The following PCDHGA3 variants were observed in gnomAD, a reference collection of about 807,000 sequenced individuals.
The protein encoded by PCDHGA3 is protocadherin gamma subfamily A, 3.
Under a neutral mutation model 58.5 loss-of-function variants are expected in PCDHGA3, and 40 were observed. The observed-to-expected ratio is 0.68, with a 90% CI of 0.53 to 0.89. The LOEUF is 0.89. Ranked by LOEUF, PCDHGA3 falls within the 40% of genes least tolerant of loss-of-function variation. The pLI is 0.00. For missense variants in PCDHGA3, 1,223 were observed against 1,195.9 expected, an observed-to-expected ratio of 1.02 and a Z score of -0.33; for synonymous variants, 530 against 525.7, an observed-to-expected ratio of 1.01 and a Z score of -0.11.
In PCDHGA3 at chr5:141,485,124, C is replaced by A; in HGVS notation, c.2425-9683C>A. ...GCTGCTGTGGCTGTTTGGGGCGGGT[C>A]GGCTTCATCCGCGTCTCAGGAGCAA... is the stretch of plus-strand genomic sequence containing the variant. On this transcript the variant is annotated intron_variant, in intron 1 of 3. Transcript: ENST00000253812. The surrounding 1 kb of genome is among the most constrained non-coding windows in gnomAD (Gnocchi z 5.7). 2 of 1,390,136 alleles carry A rather than the reference C, an allele frequency of 1.4e-6. No homozygotes were observed. The highest frequency in any genetic ancestry group is 2.5e-5 in the South Asian group (2 of 80,180). 86.1% of individuals were successfully genotyped at this position (1,390,136 alleles called of 1,614,324 possible). A position where few individuals can be genotyped will look rare whatever the true frequency, so the allele number is the denominator to read the frequency against.
intron 1 of PCDHGA3, among the ~76,000 whole-genome samples, chr5:141,457,984 A>G (rs1210742359): frequency 2.0e-5 from 3 of 152,226 alleles, no homozygotes; most frequent in Non-Finnish European, 1.5e-5. Context: ...ACACCCTTTC[A>G]GTTAAAGCCT....
chr5:141,447,168 T>C (rs1027377060), intron 1 of PCDHGA3, among the ~76,000 whole-genome samples: 2 of 152,174 alleles, frequency 1.3e-5, no homozygotes, highest in Non-Finnish European at 2.9e-5. Context: ...AAGCGGGGTC[T>C]TGCTCTTGTC....
At chr5:141,368,314 C>T (rs928484151) in intron 1 of PCDHGA3, among the ~76,000 whole-genome samples, 1 of 152,080 alleles carries the variant, frequency 6.6e-6, no homozygotes, top group Admixed American at 6.6e-5. Context: ...TGTTAAAGAG[C>T]ATTCAAGTAT....
chr5:141,414,243 A>G (rs2154544977), intron 1 of PCDHGA3: 1 of 1,613,556 alleles, frequency 6.2e-7, no homozygotes. Context: ...TCACGTCTCT[A>G]TTTAGTCCAG....
At chr5:141,499,689 CTTT>C (rs545067566) in intron 2 of PCDHGA3, among the ~76,000 whole-genome samples, 2 of 119,848 alleles carry the variant, frequency 1.7e-5, no homozygotes, top group African/African-American at 3.1e-5. Context: ...TAACAGATGA[CTTT>C]TTTTTTTTTT....
intron 1 of PCDHGA3, among the ~76,000 whole-genome samples, chr5:141,480,615 AT>A (rs1279544819): frequency 2.0e-5 from 3 of 152,218 alleles, no homozygotes; most frequent in African/African-American, 7.2e-5. Context: ...AGCAACTGGC[AT>A]TTTCCCTAGA....
chr5:141,450,251 C>T (rs2154563018), intron 1 of PCDHGA3, among the ~76,000 whole-genome samples: 1 of 152,200 alleles, frequency 6.6e-6, no homozygotes. Context: ...CTCCTGACCT[C>T]AAGTGATCTG....
At chr5:141,454,331 T>G (rs1244660733) in intron 1 of PCDHGA3, among the ~76,000 whole-genome samples, 1 of 152,180 alleles carries the variant, frequency 6.6e-6, no homozygotes, top group Non-Finnish European at 1.5e-5. Context: ...CAAGAATAAA[T>G]AAAATGTTGG....
chr5:141,491,908 G>A lies in PCDHGA3; in HGVS notation c.2425-2899G>A. ...GGGGCTCCGAGCACCGGGGGTGGTG[G>A]CGACTGTGGGCGAGGGGAGGTGGGA... On this transcript the variant is annotated intron_variant, in intron 1 of 3. Transcript: ENST00000253812. The surrounding 1 kb of genome is among the most constrained non-coding windows in gnomAD (Gnocchi z 6.9). The A allele has an allele frequency of 7.1e-7, 1 of 1,408,288 alleles. No individual in the cohort carries two copies. Among genetic ancestry groups the A allele is most frequent in the East Asian group, 2.5e-5 (1 of 39,276 alleles). The allele number at this position is 1,408,288 out of a possible 1,614,324, so 87.2% of individuals were successfully genotyped here. A position where few individuals can be genotyped will look rare whatever the true frequency, so the allele number is the denominator to read the frequency against.
At chr5:141,504,738 C>G (rs2099840693) in intron 2 of PCDHGA3, among the ~76,000 whole-genome samples, 1 of 151,874 alleles carries the variant, frequency 6.6e-6, no homozygotes, top group Non-Finnish European at 1.5e-5. Flanking sequence ...GCTTAGGAAG[C>G]CATTGAATTT....
Position 141,431,975 on chromosome 5 carries a change from A to G in PCDHGA3, c.2425-62832A>G. 1 of 1,614,218 alleles carries G rather than the reference A, an allele frequency of 6.2e-7. No individual in the cohort carries two copies. Among genetic ancestry groups the G allele is most frequent in the Non-Finnish European group, 8.5e-7 (1 of 1,180,022 alleles). ...TTACGGAAATTACTATAGTTTAGTC[A>G]CAGACATAGTCTTGGATAGGGAACA... On this transcript the variant is annotated intron_variant, in intron 1 of 3. Transcript: ENST00000253812. The surrounding 1 kb of genome is among the most constrained non-coding windows in gnomAD (Gnocchi z 4.8).
chr5:141,355,288 C>G lies in PCDHGA3; in HGVS notation c.2424+8831C>G, dbSNP rs73265823. 2,688 of 1,613,834 alleles carry G rather than the reference C, an allele frequency of 1.7e-3. 40 individuals carry two copies. In the African/African-American group the frequency reaches 0.032, roughly 19 times the overall value. On this transcript the variant is annotated intron_variant, in intron 1 of 3. Transcript: ENST00000253812. The stretch of plus-strand genomic sequence containing the variant: ...GGTTCTGGTGGAAATCAGGGCCGAA[C>G]AGATTCTCTACTCGGTGTTTGAGGA...
chr5:141,370,315 G>C, intron 1 of PCDHGA3: 1 of 1,276,896 alleles, frequency 7.8e-7, no homozygotes, highest in South Asian at 1.6e-5. Context: ...GCAAATAGTT[G>C]GTCCTGCTCG....
At chr5:141,348,033 C>T (rs1758053095) in intron 1 of PCDHGA3, among the ~76,000 whole-genome samples, 2 of 152,198 alleles carry the variant, frequency 1.3e-5, no homozygotes, top group Non-Finnish European at 2.9e-5. Flanking sequence ...TCTCTTCCAA[C>T]AATGGAATAG....
Position 141,389,109 on chromosome 5 carries a change from G to A in PCDHGA3, c.2424+42652G>A, listed in dbSNP as rs144915863. On this transcript the variant is annotated intron_variant, in intron 1 of 3. Transcript: ENST00000253812. ...TAAATTAGTGACAGATGCTGTTCTA[G>A]ACCGCGAGCAGAATCCAGAGTACAA... 616 of 1,614,020 alleles carry A rather than the reference G, an allele frequency of 3.8e-4. 2 individuals are homozygous for A. The highest frequency in any genetic ancestry group is 1.2e-3 in the Middle Eastern group (7 of 6,062).
intron 1 of PCDHGA3, chr5:141,390,890 G>C (rs1043821773): frequency 5.2e-5 from 8 of 152,592 alleles, no homozygotes; most frequent in African/African-American, 1.9e-4. Flanking sequence ...GTGTGTGTGA[G>C]AGAGATCCTT....
chr5:141,395,025 T>C, intron 1 of PCDHGA3: 1 of 1,614,116 alleles, frequency 6.2e-7, no homozygotes, highest in Non-Finnish European at 8.5e-7. Flanking sequence ...CGTGCCTGCC[T>C]CACATTTTGT....
At position 141,487,700 on chromosome 5, in the gene PCDHGA3, C is replaced by A; in HGVS notation, c.2425-7107C>A. On this transcript the variant is annotated intron_variant, in intron 1 of 3. Coordinates refer to ENST00000253812, the MANE Select transcript of PCDHGA3 (RefSeq NM_018916.4). This position sits in a 1 kb window ranked among gnomAD's most constrained non-coding sequence, Gnocchi z 5.0. ...AGGCCATGTCCTAGAGAGTACTGGCCTCTCAGTAAGTGCCCATAGTGATGT... is the reference window on the plus strand; with the variant it reads ...AGGCCATGTCCTAGAGAGTACTGGCATCTCAGTAAGTGCCCATAGTGATGT... The A allele has an allele frequency of 6.3e-7, 1 of 1,597,514 alleles. No homozygotes were observed. Among genetic ancestry groups the A allele is most frequent in the African/African-American group, 1.3e-5 (1 of 74,868 alleles).
chr5:141,463,041 G>C (rs1383781857), intron 1 of PCDHGA3, among the ~76,000 whole-genome samples: 1 of 152,114 alleles, frequency 6.6e-6, no homozygotes, highest in African/African-American at 2.4e-5. Flanking sequence ...TGAGTGTTCA[G>C]CAGGGTCTCT....
Sources: gnomAD v4.1 joint callset for allele counts (sites outside exome capture counted in the v4.1 genomes callset) on GRCh38, gnomAD v4.1.1 for gene constraint, Gnocchi (gnomAD v3.1) non-coding constraint, MANE v1.5 for transcripts, NCBI Gene and HGNC (gene_info 2026-07-23, HGNC 2026-07-21) for gene names.